Variants in FTO observed in about 807,000 individuals in gnomAD.
FTO encodes the protein alpha-ketoglutarate-dependent dioxygenase FTO.
In FTO, 47 loss-of-function variants were observed where a neutral mutation model predicts 63.9. The observed-to-expected ratio is 0.74, with a 90% CI of 0.58 to 0.94. FTO has a LOEUF of 0.94. Ranked by LOEUF, FTO falls within the 40% of genes least tolerant of loss-of-function variation. FTO has a pLI of 0.00. For synonymous variants in FTO, 207 were observed against 224.4 expected, an observed-to-expected ratio of 0.92 and a Z score of 0.69; for missense variants, 562 against 618.1, an observed-to-expected ratio of 0.91 and a Z score of 0.96.
rs72807789 is a variant in FTO, at chr16:53,907,120, A to G, written c.1239+18169A>G. Among the ~76,000 whole-genome samples, 959 of 152,306 alleles carry G rather than the reference A, an allele frequency of 6.3e-3. 4 individuals carry two copies. The highest frequency in any genetic ancestry group is 0.011 in the Non-Finnish European group (727 of 68,032). ...TGGGTTCCACTTGCTCTTAGGATAAAGACTAAAATATAGATGCTCCTCAAC... is the reference window on the plus strand; with the variant it reads ...TGGGTTCCACTTGCTCTTAGGATAAGGACTAAAATATAGATGCTCCTCAAC... On this transcript the variant is annotated intron_variant, in intron 7 of 8. Transcript: ENST00000471389.
intron 8 of FTO, chr16:53,956,651 C>CTTTTTTTT (rs556770219): frequency 1.4e-5 from 2 of 141,362 alleles, no homozygotes; most frequent in African/African-American, 5.1e-5. Flanking sequence ...CTAAATTTTC[C>CTTTTTTTT]TTTTTTTTTT....
Position 53,740,345 on chromosome 16 carries a change from A to T in FTO, c.45+36116A>T, listed in dbSNP as rs539894949. On this transcript the variant is annotated intron_variant, in intron 1 of 8. Coordinates refer to ENST00000471389, the MANE Select transcript of FTO (RefSeq NM_001080432.3). Reference sequence around the variant, plus strand: ...TCAGTTACATCTGTTTTATCGTACTAAAAATTTTACGTATATTTTGAAAAC... The same window carrying T: ...TCAGTTACATCTGTTTTATCGTACTTAAAATTTTACGTATATTTTGAAAAC... Among the ~76,000 whole-genome samples the T allele has an allele frequency of 3.3e-5, 5 of 152,344 alleles. No individual in the cohort carries two copies. In the South Asian group the frequency reaches 1.0e-3, roughly 32 times the overall value.
At chr16:53,892,522 C>T (rs2081175335) in intron 7 of FTO, among the ~76,000 whole-genome samples, 1 of 152,134 alleles carries the variant, frequency 6.6e-6, no homozygotes. Flanking sequence ...CCTCACTTTG[C>T]TTCCAGGGAC....
At chr16:53,929,682 A>G (rs1376321961) in intron 7 of FTO, among the ~76,000 whole-genome samples, 1 of 152,152 alleles carries the variant, frequency 6.6e-6, no homozygotes, top group African/African-American at 2.4e-5. Flanking sequence ...TAAAAACTTA[A>G]ATGCTATTTT....
intron 8 of FTO, among the ~76,000 whole-genome samples, chr16:54,030,941 T>C (rs1489736634): frequency 6.6e-6 from 1 of 152,202 alleles, no homozygotes; most frequent in African/African-American, 2.4e-5. Flanking sequence ...CCTTAAAATA[T>C]TAAGAAACTG....
intron 7 of FTO, among the ~76,000 whole-genome samples, chr16:53,904,718 T>G (rs1236704575): frequency 6.6e-6 from 1 of 152,140 alleles, no homozygotes; most frequent in Non-Finnish European, 1.5e-5. Flanking sequence ...ATTTTCTGTT[T>G]AAAGTTATGT....
chr16:53,724,461 C>T (rs1343247529), intron 1 of FTO, among the ~76,000 whole-genome samples: 2 of 152,144 alleles, frequency 1.3e-5, no homozygotes, highest in African/African-American at 4.8e-5. Context: ...TTCATTTGTA[C>T]CACTAAATAC....
At chr16:54,038,586 G>T (rs2144260377) in intron 8 of FTO, among the ~76,000 whole-genome samples, 1 of 152,302 alleles carries the variant, frequency 6.6e-6, no homozygotes, top group Non-Finnish European at 1.5e-5. Flanking sequence ...CCTAGTGGAG[G>T]CTGTTTGGGT....
At chr16:53,872,154 G>A (rs951951650) in intron 4 of FTO, among the ~76,000 whole-genome samples, 3 of 152,192 alleles carry the variant, frequency 2.0e-5, no homozygotes, top group Admixed American at 6.5e-5. Flanking sequence ...AGTATCTCAT[G>A]TAGTGGGAGC....
At chr16:53,789,399 T>C (rs1210353804) in intron 1 of FTO, among the ~76,000 whole-genome samples, 1 of 152,214 alleles carries the variant, frequency 6.6e-6, no homozygotes, top group Non-Finnish European at 1.5e-5. Context: ...TCCTCTGCAT[T>C]CTCAGCCTAG....
intron 7 of FTO, among the ~76,000 whole-genome samples, chr16:53,916,949 G>A (rs1390932473): frequency 6.6e-6 from 1 of 152,194 alleles, no homozygotes; most frequent in African/African-American, 2.4e-5. Flanking sequence ...GTGTCTGTCT[G>A]TGTGTCCAAG....
rs575788587 is a variant in FTO, at chr16:54,059,417, T to G, written c.1365-52345T>G. ...TTCCTGAGAAAGTGCCTGATAAAAA[T>G]GTCATATATCATCCCAGCTTTAGAA... On this transcript the variant is annotated intron_variant, in intron 8 of 8. Coordinates refer to ENST00000471389, the MANE Select transcript of FTO (RefSeq NM_001080432.3). Among the ~76,000 whole-genome samples the G allele has an allele frequency of 5.3e-5, 8 of 152,292 alleles. No homozygotes were observed. In the East Asian group the frequency reaches 1.5e-3, roughly 29 times the overall value.
At chr16:54,098,406 C>A (rs2086560861) in intron 8 of FTO, among the ~76,000 whole-genome samples, 1 of 152,146 alleles carries the variant, frequency 6.6e-6, no homozygotes, top group Admixed American at 6.5e-5. Context: ...CATCCAAAAA[C>A]CAATTAAGCA....
intron 1 of FTO, among the ~76,000 whole-genome samples, chr16:53,766,242 T>C (rs2077197206): frequency 6.6e-6 from 1 of 152,156 alleles, no homozygotes; most frequent in Non-Finnish European, 1.5e-5. Context: ...TGTTTCTTTT[T>C]GGAGATGGGG....
At chr16:53,788,534 T>A (rs182161165) in intron 1 of FTO, among the ~76,000 whole-genome samples, 13 of 137,608 alleles carry the variant, frequency 9.4e-5, no homozygotes, top group Non-Finnish European at 2.0e-4. Flanking sequence ...ACCCGGGAGG[T>A]GGAAATTGCA....
At chr16:53,966,620 C>A (rs1229400420) in intron 8 of FTO, among the ~76,000 whole-genome samples, 1 of 152,200 alleles carries the variant, frequency 6.6e-6, no homozygotes, top group Non-Finnish European at 1.5e-5. Flanking sequence ...CTCTGGAGAA[C>A]AACTGCCTTC....
chr16:53,945,886 A>G (rs887977536), intron 8 of FTO, among the ~76,000 whole-genome samples: 1 of 152,232 alleles, frequency 6.6e-6, no homozygotes, highest in Admixed American at 6.5e-5. Context: ...GTAGCAATTT[A>G]TCTACTCCAT....
At chr16:53,754,586 T>A (rs1020354111) in intron 1 of FTO, among the ~76,000 whole-genome samples, 2 of 152,004 alleles carry the variant, frequency 1.3e-5, no homozygotes, top group Admixed American at 1.3e-4. Flanking sequence ...TGCAGTGAGC[T>A]GAGATCGCAC....
chr16:53,769,542 A>AT (rs1454787482), intron 1 of FTO, among the ~76,000 whole-genome samples: 1 of 152,146 alleles, frequency 6.6e-6, no homozygotes, highest in Non-Finnish European at 1.5e-5. Flanking sequence ...GTTAGATATC[A>AT]TTTTTATTAG....
Sources: allele counts gnomAD v4.1 joint callset (sites outside exome capture counted in the v4.1 genomes callset), GRCh38; gene constraint gnomAD v4.1.1; transcripts MANE v1.5; gene names NCBI Gene and HGNC (gene_info 2026-07-23, HGNC 2026-07-21).